The following HACD2 variants were observed in gnomAD, a reference collection of about 807,000 sequenced individuals.
HACD2 encodes 3-hydroxyacyl-CoA dehydratase 2.
In HACD2, 15 loss-of-function variants were observed where a neutral mutation model predicts 31.0. That is an observed-to-expected ratio of 0.48 (90% CI 0.32 to 0.75). The LOEUF is 0.75. HACD2 is among the 30% of genes least tolerant of loss of function. The pLI is 0.03. For synonymous variants in HACD2, 115 were observed against 122.2 expected, an observed-to-expected ratio of 0.94 and a Z score of 0.39; for missense variants, 283 against 313.0, an observed-to-expected ratio of 0.90 and a Z score of 0.72.
At chr3:123,542,262 C>G (rs960716707) in intron 3 of HACD2, among the ~76,000 whole-genome samples, 6 of 150,306 alleles carry the variant, frequency 4.0e-5, no homozygotes, top group African/African-American at 1.5e-4. Context: ...CAAAAATGGC[C>G]ACAATTAATA....
intron 4 of HACD2, among the ~76,000 whole-genome samples, chr3:123,521,068 T>C (rs1413482090): frequency 6.6e-6 from 1 of 152,128 alleles, no homozygotes; most frequent in Non-Finnish European, 1.5e-5. Context: ...TATTGGAAAG[T>C]AGCATCAATA....
At chr3:123,580,337 A>G (rs2056952325) in intron 2 of HACD2, among the ~76,000 whole-genome samples, 1 of 152,114 alleles carries the variant, frequency 6.6e-6, no homozygotes, top group Non-Finnish European at 1.5e-5. Flanking sequence ...TGAGCCAGGC[A>G]CGGTAGTGCA....
chr3:123,504,843 A>G (rs1176194022), intron 4 of HACD2, among the ~76,000 whole-genome samples: 1 of 151,912 alleles, frequency 6.6e-6, no homozygotes, highest in East Asian at 1.9e-4. Context: ...GATTGACCTT[A>G]TGTGATTTAT....
At chr3:123,527,037 T>C (rs975917212) in intron 4 of HACD2, among the ~76,000 whole-genome samples, 1 of 152,248 alleles carries the variant, frequency 6.6e-6, no homozygotes, top group African/African-American at 2.4e-5. Context: ...GCAAAGTGAT[T>C]GGATATTTCA....
chr3:123,511,819 T>C (rs1439615966), intron 4 of HACD2, among the ~76,000 whole-genome samples: 1 of 152,188 alleles, frequency 6.6e-6, no homozygotes, highest in Non-Finnish European at 1.5e-5. Context: ...GGTTAGGGTA[T>C]TTGACCCTCC....
intron 4 of HACD2, among the ~76,000 whole-genome samples, chr3:123,520,924 G>A (rs2056206605): frequency 6.6e-6 from 1 of 152,114 alleles, no homozygotes; most frequent in African/African-American, 2.4e-5. Flanking sequence ...ACTATTTTAA[G>A]CCCAAGGTAA....
At chr3:123,502,704 G>A (rs746716057) in intron 4 of HACD2, 23 bp from the exon 5 acceptor site, 9 of 1,574,000 alleles carry the variant, frequency 5.7e-6, no homozygotes, top group Admixed American at 5.7e-5. Context: ...GAAAACAAAA[G>A]AAAAAAAACA....
At chr3:123,561,081 G>T (rs989458770) in intron 3 of HACD2, among the ~76,000 whole-genome samples, 14 of 151,828 alleles carry the variant, frequency 9.2e-5, no homozygotes, top group African/African-American at 2.7e-4. Flanking sequence ...TCAAAGTAGC[G>T]GGGGGGCAGA....
chr3:123,555,202 T>C (rs116711654), intron 3 of HACD2, among the ~76,000 whole-genome samples: 4 of 152,284 alleles, frequency 2.6e-5, no homozygotes, highest in East Asian at 1.9e-4. Context: ...GAGTAAAGAA[T>C]ATGAAGAATG....
chr3:123,530,175 G>GA (rs1388023103), intron 3 of HACD2, among the ~76,000 whole-genome samples: 1 of 152,034 alleles, frequency 6.6e-6, no homozygotes, highest in Non-Finnish European at 1.5e-5. Flanking sequence ...CCATATAGAG[G>GA]AAGCCTTTGA....
intron 3 of HACD2, among the ~76,000 whole-genome samples, chr3:123,558,843 A>C (rs1419979307): frequency 1.3e-5 from 2 of 152,180 alleles, no homozygotes; most frequent in Non-Finnish European, 2.9e-5. Flanking sequence ...GGTGTTCCCA[A>C]CTTTGCAGGA....
chr3:123,580,116 G>A (rs916004136), intron 2 of HACD2, among the ~76,000 whole-genome samples: 1 of 150,296 alleles, frequency 6.7e-6, no homozygotes, highest in Non-Finnish European at 1.5e-5. Flanking sequence ...GCAGTGAGCC[G>A]AGATCCCACC....
chr3:123,530,472 G>A (rs895543428), intron 3 of HACD2, among the ~76,000 whole-genome samples: 13 of 150,778 alleles, frequency 8.6e-5, no homozygotes, highest in Non-Finnish European at 1.9e-4. Flanking sequence ...GCTGTGGGGC[G>A]ATCTCAGCTC....
chr3:123,500,679 A>G lies in HACD2; in HGVS notation c.518T>C (p.Ile173Thr). 1 of 1,598,788 alleles carries G rather than the reference A, an allele frequency of 6.3e-7. No individual in the cohort carries two copies. The highest frequency in any genetic ancestry group is 8.5e-7 in the Non-Finnish European group (1 of 1,175,642). The change falls in exon 6 of 7, where the codon ATT (isoleucine) becomes ACT (threonine). Residue 173 changes from isoleucine (I) to threonine (T), a missense_variant. Physicochemically the swap from Ile to Thr is moderately conservative, Grantham distance 89. This residue lies in a region of HACD2 where 85 missense variants were observed against 129.6 expected (regional missense o/e 0.66). Coordinates refer to ENST00000383657, the MANE Select transcript of HACD2 (RefSeq NM_198402.5). ...TGACACTCCCATTGGGTACAGCACA[A>G]TGAAAAGTGTGTACCTAAAACAAAA... ...LIKWARYTLF[I>T]VLYPMGVSGE... is the part of the protein sequence containing the mutation.
intron 3 of HACD2, among the ~76,000 whole-genome samples, chr3:123,555,915 T>C (rs1576777288): frequency 6.6e-6 from 1 of 152,278 alleles, no homozygotes; most frequent in East Asian, 1.9e-4. Flanking sequence ...TAACTGATCT[T>C]TGACAATGGC....
chr3:123,522,108 C>T (rs914318807), intron 4 of HACD2, among the ~76,000 whole-genome samples: 1 of 151,904 alleles, frequency 6.6e-6, no homozygotes, highest in Non-Finnish European at 1.5e-5. Flanking sequence ...GAATTGGAAA[C>T]GAGCCTGGGC....
chr3:123,574,042 A>G (rs2056882051), intron 2 of HACD2, among the ~76,000 whole-genome samples: 1 of 152,222 alleles, frequency 6.6e-6, no homozygotes, highest in Non-Finnish European at 1.5e-5. Context: ...TCACAGGGCT[A>G]ATTAATGGCA....
At chr3:123,566,869 A>G (rs999472817) in intron 3 of HACD2, among the ~76,000 whole-genome samples, 7 of 152,160 alleles carry the variant, frequency 4.6e-5, no homozygotes, top group Admixed American at 1.3e-4. Context: ...AAGGTAATGG[A>G]GCCAGATATC....
Position 123,528,426 on chromosome 3 carries a change from C to T in HACD2, c.341G>A (p.Arg114Lys). ...TGTTACTGCCCATATTAGAAAAACTCTTGACATCACCTGGAAAGAAGTCAG... is the reference window on the plus strand; with the variant it reads ...TGTTACTGCCCATATTAGAAAAACTTTTGACATCACCTGGAAAGAAGTCAG... ...VVLTSFQVMSRVFLIWAVTHS... is the reference protein window; with the variant it reads ...VVLTSFQVMSKVFLIWAVTHS... Residue 114 changes from arginine (R) to lysine (K), a missense_variant, in exon 4 of 7, where the codon AGA (arginine) becomes AAA (lysine). Around this residue, in one of 3 missense-constraint regions of HACD2, gnomAD observed 158 missense variants for 148.3 expected, o/e 1.07. Coordinates refer to ENST00000383657, the MANE Select transcript of HACD2 (RefSeq NM_198402.5). The T allele has an allele frequency of 6.2e-7, 1 of 1,613,274 alleles. No homozygotes were observed. The highest frequency in any genetic ancestry group is 8.5e-7 in the Non-Finnish European group (1 of 1,179,340).
Sources: gnomAD v4.1 joint callset for allele counts (sites outside exome capture counted in the v4.1 genomes callset) on GRCh38, gnomAD v4.1.1 for gene constraint, gnomAD v4.1.1 regional missense constraint, MANE v1.5 for transcripts, NCBI Gene and HGNC (gene_info 2026-07-23, HGNC 2026-07-21) for gene names.